The following ABCB5 variants were observed in gnomAD, a reference collection of about 807,000 sequenced individuals.
The protein encoded by ABCB5 is ATP binding cassette subfamily B member 5.
A neutral mutation model predicts 144.2 loss-of-function variants in ABCB5; 155 were observed. The observed-to-expected ratio is 1.08, with a 90% CI of 0.94 to 1.23. ABCB5 has a LOEUF of 1.23. ABCB5 is among the 50% of genes most tolerant of loss of function. The pLI, the probability that ABCB5 is intolerant of heterozygous loss-of-function variation, is 0.00. For missense variants in ABCB5, 1,830 were observed against 1,520.8 expected (o/e 1.20, Z -3.38); for synonymous variants, 610 against 528.6 (o/e 1.15, Z -2.11).
intron 20 of ABCB5, among the ~76,000 whole-genome samples, chr7:20,706,564 G>C (rs1238480345): frequency 6.6e-6 from 1 of 152,170 alleles, no homozygotes; most frequent in Non-Finnish European, 1.5e-5. Context: ...TTCATCACTT[G>C]AAACTTCATT....
At chr7:20,674,686 T>C (rs548671655) in intron 14 of ABCB5, among the ~76,000 whole-genome samples, 2 of 145,540 alleles carry the variant, frequency 1.4e-5, no homozygotes, top group South Asian at 4.3e-4. Context: ...AAAAGAAGTG[T>C]CAAATAAGAA....
chr7:20,738,234 T>A (rs901270579), intron 23 of ABCB5, among the ~76,000 whole-genome samples: 3 of 152,232 alleles, frequency 2.0e-5, no homozygotes, highest in African/African-American at 7.2e-5. Flanking sequence ...TGCATTCTAG[T>A]ACACTACTTT....
chr7:20,667,208 A>G (rs1381777999), intron 14 of ABCB5: 8 of 917,548 alleles, frequency 8.7e-6, no homozygotes, highest in African/African-American at 1.8e-5. Flanking sequence ...AAATTGTAAC[A>G]TAATATCTAC....
intron 14 of ABCB5, among the ~76,000 whole-genome samples, chr7:20,675,157 A>G (rs868737404): frequency 6.6e-6 from 1 of 151,980 alleles, no homozygotes; most frequent in Non-Finnish European, 1.5e-5. Context: ...TAAAATTAAT[A>G]AGAAACCACA....
At chr7:20,682,587 G>C (rs1482251562) in intron 15 of ABCB5, among the ~76,000 whole-genome samples, 1 of 152,114 alleles carries the variant, frequency 6.6e-6, no homozygotes, top group Non-Finnish European at 1.5e-5. Context: ...AGGGTATAAT[G>C]GAAAAGAGTT....
intron 15 of ABCB5, among the ~76,000 whole-genome samples, chr7:20,683,698 C>T (rs1785899413): frequency 6.6e-6 from 1 of 152,100 alleles, no homozygotes; most frequent in East Asian, 1.9e-4. Context: ...GATATAACAA[C>T]ACCGTTTTAA....
chr7:20,623,066 T>A (rs1783833895), intron 1 of ABCB5, among the ~76,000 whole-genome samples, 199 bp from the exon 2 acceptor site: 1 of 152,118 alleles, frequency 6.6e-6, no homozygotes, highest in African/African-American at 2.4e-5. Flanking sequence ...AGCAAGGAAG[T>A]TATAAATTCA....
chr7:20,736,723 G>A (rs1583461019), intron 23 of ABCB5, among the ~76,000 whole-genome samples: 6 of 152,226 alleles, frequency 3.9e-5, no homozygotes, highest in Admixed American at 3.3e-4. Context: ...GTTACAGCAC[G>A]GGTTATTCTA....
intron 26 of ABCB5, among the ~76,000 whole-genome samples, chr7:20,747,444 G>T (rs1352381715): frequency 6.6e-6 from 1 of 152,124 alleles, no homozygotes; most frequent in Non-Finnish European, 1.5e-5. Flanking sequence ...TTTTTGTAGA[G>T]ATGGGGTTTC....
At chr7:20,668,589 G>GT (rs1321671164) in intron 14 of ABCB5, among the ~76,000 whole-genome samples, 1 of 144,784 alleles carries the variant, frequency 6.9e-6, no homozygotes, top group Non-Finnish European at 1.5e-5. Context: ...CGGGAGGGAG[G>GT]TGGGGGGGGG....
chr7:20,718,653 A>T (rs1781765832), intron 20 of ABCB5, among the ~76,000 whole-genome samples: 1 of 152,156 alleles, frequency 6.6e-6, no homozygotes, highest in Admixed American at 6.5e-5. Context: ...TTTAATGAAG[A>T]TGCTAATTTT....
chr7:20,636,622 T>C (rs576595930), intron 5 of ABCB5, among the ~76,000 whole-genome samples: 2 of 151,770 alleles, frequency 1.3e-5, no homozygotes, highest in African/African-American at 4.8e-5. Context: ...CCGTCTCTAT[T>C]AAGAATACAA....
intron 26 of ABCB5, among the ~76,000 whole-genome samples, chr7:20,752,944 A>C (rs561549259): frequency 1.3e-5 from 2 of 152,242 alleles, no homozygotes; most frequent in Non-Finnish European, 2.9e-5. Flanking sequence ...ACAGAGGCTC[A>C]GCAAGAGCCA....
intron 15 of ABCB5, among the ~76,000 whole-genome samples, chr7:20,685,024 T>A (rs879464550): frequency 6.6e-6 from 1 of 152,134 alleles, no homozygotes; most frequent in African/African-American, 2.4e-5. Context: ...ACTAAAGTGG[T>A]CTTTTTAGTA....
intron 16 of ABCB5, 42 bp downstream of exon 16, chr7:20,685,878 T>C: frequency 6.5e-7 from 1 of 1,547,132 alleles, no homozygotes; most frequent in Non-Finnish European, 8.7e-7. Flanking sequence ...GCATGTTTTC[T>C]AATTTTGATT....
intron 14 of ABCB5, chr7:20,659,229 G>A (rs1313132850): frequency 3.8e-6 from 6 of 1,568,944 alleles, no homozygotes; most frequent in Admixed American, 1.8e-5. Context: ...TTGTGGCCCT[G>A]CACCAAATTA....
chr7:20,698,587 TA>T (rs751414001), intron 17 of ABCB5, 37 bp downstream of exon 17: 1 of 1,548,364 alleles, frequency 6.5e-7, no homozygotes, highest in South Asian at 1.2e-5. Context: ...TTCAGCAATT[TA>T]AAGAAAGTAT....
intron 14 of ABCB5, chr7:20,667,125 T>C: frequency 3.7e-6 from 3 of 802,644 alleles, no homozygotes; most frequent in Non-Finnish European, 4.6e-6. Flanking sequence ...CACAGTTTTT[T>C]CCCTTTTAAG....
In ABCB5 at chr7:20,660,423, C is replaced by G. The variant is rs970458375; in HGVS notation, c.1707+1747C>G. On this transcript the variant is annotated intron_variant, in intron 14 of 27. Coordinates refer to ENST00000404938, the MANE Select transcript of ABCB5 (RefSeq NM_001163941.2). ...GTGAAACTGCTTTATGTATGGTTTGCTGGGTCAGGATAAAGGGTAACCAAT... is the reference window on the plus strand; with the variant it reads ...GTGAAACTGCTTTATGTATGGTTTGGTGGGTCAGGATAAAGGGTAACCAAT... The G allele has an allele frequency of 1.1e-5, 11 of 984,552 alleles. No individual in the cohort carries two copies. The African/African-American group carries it at 1.9e-4, about 17-fold the overall frequency. The allele number at this position is 984,552 out of a possible 1,614,324, so 61.0% of individuals were successfully genotyped here. A position where few individuals can be genotyped will look rare whatever the true frequency, so the allele number is the denominator to read the frequency against.
Sources: gnomAD v4.1 joint callset for allele counts (sites outside exome capture counted in the v4.1 genomes callset) on GRCh38, gnomAD v4.1.1 for gene constraint, MANE v1.5 for transcripts, NCBI Gene and HGNC (gene_info 2026-07-23, HGNC 2026-07-21) for gene names.